Variants in GRIK2 observed in about 807,000 individuals in gnomAD.
GRIK2 encodes the protein glutamate receptor ionotropic, kainate 2.
Under a neutral mutation model 100.3 loss-of-function variants are expected in GRIK2, and 32 were observed. That is an observed-to-expected ratio of 0.32 (90% CI 0.24 to 0.43). The LOEUF (loss-of-function observed/expected upper bound fraction) is 0.43. Among genes scored for constraint, GRIK2 ranks in the 20% least tolerant of loss-of-function variants. The pLI is 1.00. For missense variants in GRIK2, 843 were observed against 1,114.9 expected, an observed-to-expected ratio of 0.76 and a Z score of 3.47; for synonymous variants, 417 against 389.4, an observed-to-expected ratio of 1.07 and a Z score of -0.83.
chr6:101,727,009 C>T (rs763958427), intron 7 of GRIK2, among the ~76,000 whole-genome samples: 2 of 151,778 alleles, frequency 1.3e-5, no homozygotes, highest in Non-Finnish European at 2.9e-5. Flanking sequence ...CAATATTTGC[C>T]CTAACTTGCA....
At chr6:101,768,041 T>G (rs1007542035) in intron 7 of GRIK2, among the ~76,000 whole-genome samples, 3 of 151,918 alleles carry the variant, frequency 2.0e-5, no homozygotes, top group Non-Finnish European at 4.4e-5. Context: ...GTATTTTTAG[T>G]AGAAATGGGG....
intron 2 of GRIK2, among the ~76,000 whole-genome samples, chr6:101,461,633 C>T (rs1021564319): frequency 1.3e-5 from 2 of 152,178 alleles, no homozygotes; most frequent in Non-Finnish European, 2.9e-5. Flanking sequence ...CTCTTGATCA[C>T]ATCTGCAATA....
chr6:101,528,476 C>G (rs922750978), intron 2 of GRIK2, among the ~76,000 whole-genome samples: 2 of 151,318 alleles, frequency 1.3e-5, no homozygotes, highest in East Asian at 3.9e-4. Flanking sequence ...TTTTTTTGTT[C>G]AGACTTTTTA....
At chr6:101,732,314 G>A (rs886537522) in intron 7 of GRIK2, among the ~76,000 whole-genome samples, 2 of 151,994 alleles carry the variant, frequency 1.3e-5, no homozygotes, top group South Asian at 2.1e-4. Flanking sequence ...TTCCTGGGTA[G>A]AGGAAATGAT....
At chr6:102,064,086 T>C in intron 16 of GRIK2, 1 of 877,660 alleles carries the variant, frequency 1.1e-6, no homozygotes, top group East Asian at 2.5e-5. Context: ...CTTTTTGTAG[T>C]CTGTTATATT....
intron 4 of GRIK2, among the ~76,000 whole-genome samples, chr6:101,646,061 C>T (rs928567484): frequency 6.6e-6 from 1 of 151,060 alleles, no homozygotes; most frequent in African/African-American, 2.5e-5. Flanking sequence ...CCATTCTTCT[C>T]ATAAGACTTT....
rs184435449 is a variant in GRIK2, at chr6:101,452,236, A to G, written c.115+52844A>G. ...TGGCTATAGTATTGATAATCAGCAT[A>G]GTATGGTTCCTTGATTTAATTAAAG... On this transcript the variant is annotated intron_variant, in intron 2 of 16. Transcript: ENST00000369134. Among the ~76,000 whole-genome samples, 526 of 151,908 alleles carry G rather than the reference A, an allele frequency of 3.5e-3. 12 individuals are homozygous for G. Among genetic ancestry groups the G allele is most frequent in the Admixed American group, 0.033 (503 of 15,188 alleles).
intron 2 of GRIK2, among the ~76,000 whole-genome samples, chr6:101,621,634 C>A (rs569736632): frequency 1.3e-5 from 2 of 151,872 alleles, no homozygotes; most frequent in African/African-American, 2.4e-5. Flanking sequence ...TATACCTAGG[C>A]CCTAAAATAA....
chr6:101,606,059 A>C (rs921122737), intron 2 of GRIK2, among the ~76,000 whole-genome samples: 1 of 151,954 alleles, frequency 6.6e-6, no homozygotes, highest in Non-Finnish European at 1.5e-5. Context: ...AGTCACCACC[A>C]GTGGAAATTT....
chr6:101,665,631 T>C (rs914852554), intron 4 of GRIK2, among the ~76,000 whole-genome samples: 1 of 152,236 alleles, frequency 6.6e-6, no homozygotes, highest in Admixed American at 6.5e-5. Flanking sequence ...TATGAATTGC[T>C]GTTGGATATA....
intron 4 of GRIK2, among the ~76,000 whole-genome samples, chr6:101,644,025 T>C (rs1175379555): frequency 6.6e-6 from 1 of 151,782 alleles, no homozygotes; most frequent in Non-Finnish European, 1.5e-5. Flanking sequence ...GAAAATTATT[T>C]TTTCTTTATA....
At chr6:101,647,184 C>T (rs545284845) in intron 4 of GRIK2, among the ~76,000 whole-genome samples, 10 of 151,988 alleles carry the variant, frequency 6.6e-5, no homozygotes, top group African/African-American at 2.2e-4. Flanking sequence ...AACGCTATAC[C>T]TGTTCATAAC....
At chr6:101,802,469 C>A (rs778518953) in intron 9 of GRIK2, 31 bp downstream of exon 9, 1 of 885,874 alleles carries the variant, frequency 1.1e-6, no homozygotes, top group Non-Finnish European at 1.8e-6. Flanking sequence ...GCTTTAATTA[C>A]TAAATGAAAC....
At chr6:101,424,374 G>A (rs1776585239) in intron 2 of GRIK2, among the ~76,000 whole-genome samples, 2 of 147,508 alleles carry the variant, frequency 1.4e-5, no homozygotes, top group South Asian at 4.3e-4. Flanking sequence ...CTCTGTCCAT[G>A]TGTTCTCATT....
chr6:101,838,991 T>A (rs1783327713), intron 10 of GRIK2, among the ~76,000 whole-genome samples: 1 of 151,872 alleles, frequency 6.6e-6, no homozygotes, highest in Admixed American at 6.6e-5. Context: ...GAATATGCTT[T>A]TTTTTTTAAT....
chr6:101,820,351 GCCC>G (rs1781879605), intron 10 of GRIK2, among the ~76,000 whole-genome samples: 1 of 151,112 alleles, frequency 6.6e-6, no homozygotes, highest in South Asian at 2.1e-4. Flanking sequence ...CAGTAATCTG[GCCC>G]CTACACTCCT....
At chr6:101,992,136 T>G (rs1794410051) in intron 14 of GRIK2, among the ~76,000 whole-genome samples, 1 of 151,522 alleles carries the variant, frequency 6.6e-6, no homozygotes, top group Non-Finnish European at 1.5e-5. Flanking sequence ...AATATTTATG[T>G]TAATTAAGAG....
At chr6:101,909,886 A>G (rs1216138755) in intron 12 of GRIK2, among the ~76,000 whole-genome samples, 3 of 151,218 alleles carry the variant, frequency 2.0e-5, no homozygotes, top group African/African-American at 4.8e-5. Context: ...ACATGTAGAG[A>G]ATAAAAAATT....
At chr6:101,963,911 T>G (rs1792491919) in intron 14 of GRIK2, among the ~76,000 whole-genome samples, 1 of 152,038 alleles carries the variant, frequency 6.6e-6, no homozygotes, top group South Asian at 2.1e-4. Context: ...TTAACTCTTT[T>G]GGGCAGAACT....
Sources: allele counts gnomAD v4.1 joint callset (sites outside exome capture counted in the v4.1 genomes callset), GRCh38; gene constraint gnomAD v4.1.1; transcripts MANE v1.5; gene names NCBI Gene and HGNC (gene_info 2026-07-23, HGNC 2026-07-21).